FRMD6: variants seen among roughly 807,000 people sequenced by gnomAD.
The protein encoded by FRMD6 is FERM domain-containing protein 6.
FRMD6 carries 37 observed loss-of-function variants against 73.2 expected under a neutral mutation model. The observed-to-expected ratio is 0.51, with a 90% CI of 0.39 to 0.66. FRMD6 has a LOEUF of 0.66. Among genes scored for constraint, FRMD6 ranks in the 30% least tolerant of loss-of-function variants. The pLI, the probability that FRMD6 is intolerant of heterozygous loss-of-function variation, is 0.00. For missense variants in FRMD6, 714 were observed against 780.5 expected, an observed-to-expected ratio of 0.91 and a Z score of 1.02; for synonymous variants, 273 against 282.2, an observed-to-expected ratio of 0.97 and a Z score of 0.33.
chr14:51,705,252 T>C (rs1157371085), intron 6 of FRMD6, among the ~76,000 whole-genome samples: 2 of 152,034 alleles, frequency 1.3e-5, no homozygotes, highest in African/African-American at 4.8e-5. Context: ...TTTCTCCCTT[T>C]GAAGGCAGAA....
chr14:51,628,800 CAAAAAAA>C (rs764713119), intron 2 of FRMD6, among the ~76,000 whole-genome samples: 2 of 52,324 alleles, frequency 3.8e-5, no homozygotes, highest in Non-Finnish European at 6.7e-5. Context: ...GACTCTGTCT[CAAAAAAA>C]AAAAAAAAAA....
intron 1 of FRMD6, among the ~76,000 whole-genome samples, chr14:51,569,510 T>TC (rs1288877786): frequency 2.1e-5 from 1 of 46,852 alleles, no homozygotes; most frequent in Non-Finnish European, 4.6e-5. Context: ...TTTCTTTCTT[T>TC]TTTTTTTTTT....
At chr14:51,562,649 T>C (rs749264293) in intron 1 of FRMD6, among the ~76,000 whole-genome samples, 3 of 152,184 alleles carry the variant, frequency 2.0e-5, no homozygotes, top group Non-Finnish European at 2.9e-5. Context: ...AAACAGGTTA[T>C]CATAATGGGT....
At chr14:51,503,012 T>C (rs1298058913) in intron 1 of FRMD6, among the ~76,000 whole-genome samples, 1 of 152,222 alleles carries the variant, frequency 6.6e-6, no homozygotes, top group Non-Finnish European at 1.5e-5. Flanking sequence ...ATTATTGGTA[T>C]ATAGGAATGC....
At chr14:51,471,969 T>A in the FRMD6 span, among the ~76,000 whole-genome samples, 6 of 152,200 alleles carry the variant, frequency 3.9e-5, no homozygotes, top group Admixed American at 3.3e-4. Flanking sequence ...ACACTGTCCA[T>A]CTCTCCAGAA....
At chr14:51,540,231 C>G (rs1386669689) in intron 1 of FRMD6, among the ~76,000 whole-genome samples, 1 of 152,144 alleles carries the variant, frequency 6.6e-6, no homozygotes, top group Non-Finnish European at 1.5e-5. Flanking sequence ...GTGGGGCTGC[C>G]ACTTGTTGGT....
chr14:51,710,137 AG>A (rs753622593), intron 7 of FRMD6, among the ~76,000 whole-genome samples: 4 of 152,176 alleles, frequency 2.6e-5, no homozygotes, highest in South Asian at 2.1e-4. Context: ...TTAATTTTCA[AG>A]TTTACTTAAA....
At chr14:51,649,465 C>T (rs1892234508), upstream of FRMD6, 1 of 151,854 alleles carries the variant, frequency 6.6e-6, no homozygotes, top group South Asian at 2.1e-4. Context: ...TGTTGTTTAT[C>T]TGTTAGATTT....
chr14:51,516,044 C>G (rs1342514426), intron 1 of FRMD6, among the ~76,000 whole-genome samples: 2 of 152,182 alleles, frequency 1.3e-5, no homozygotes, highest in African/African-American at 2.4e-5. Flanking sequence ...AGTTTGGCTG[C>G]TGTGCATCTT....
chr14:51,556,753 A>G (rs1488963668), intron 1 of FRMD6, among the ~76,000 whole-genome samples: 1 of 152,148 alleles, frequency 6.6e-6, no homozygotes, highest in African/African-American at 2.4e-5. Flanking sequence ...CTTATCCATC[A>G]TTGAAGAGTG....
At chr14:51,709,975 G>A (rs1388036937) in intron 7 of FRMD6, among the ~76,000 whole-genome samples, 1 of 152,050 alleles carries the variant, frequency 6.6e-6, no homozygotes, top group East Asian at 1.9e-4. Context: ...GAAATAATGA[G>A]GTGGAATACC....
intron 1 of FRMD6, among the ~76,000 whole-genome samples, chr14:51,533,809 C>T (rs752513586): frequency 6.6e-5 from 10 of 152,192 alleles, no homozygotes; most frequent in Non-Finnish European, 1.2e-4. Context: ...TTTCAGAGAG[C>T]GTCTCTGGGT....
the FRMD6 span, among the ~76,000 whole-genome samples, chr14:51,396,690 A>G: frequency 6.6e-6 from 1 of 152,218 alleles, no homozygotes; most frequent in Non-Finnish European, 1.5e-5. Context: ...TCCAAGGAGA[A>G]GGCCCAGTTT....
the FRMD6 span, among the ~76,000 whole-genome samples, chr14:51,402,669 C>T: frequency 6.9e-6 from 1 of 145,870 alleles, no homozygotes; most frequent in Non-Finnish European, 1.5e-5. Flanking sequence ...GACGGAGTCT[C>T]ACTCTGTCAC....
rs17124298 is a variant in FRMD6 at position 51,618,122 on chromosome 14, T to C, written c.-147+47712T>C. Among the ~76,000 whole-genome samples the C allele has an allele frequency of 9.9e-3, 1,500 of 152,276 alleles. 74 individuals are homozygous for C. Among genetic ancestry groups the C allele is most frequent in the Admixed American group, 0.081 (1,240 of 15,276 alleles). On this transcript the variant is annotated intron_variant, in intron 2 of 14. Transcript: ENST00000356218. ...GGTTTTGAAAGAGAAGAACCAGGTG[T>C]TATCTGTGAGAATAACAATTACTTT... is the stretch of plus-strand genomic sequence containing the variant.
At chr14:51,523,553 G>A (rs1044096275) in intron 1 of FRMD6, among the ~76,000 whole-genome samples, 6 of 152,190 alleles carry the variant, frequency 3.9e-5, no homozygotes, top group Non-Finnish European at 5.9e-5. Flanking sequence ...CCCAGTGCTC[G>A]TGACATGGTT....
chr14:51,453,506 C>A, the FRMD6 span, among the ~76,000 whole-genome samples: 1 of 152,170 alleles, frequency 6.6e-6, no homozygotes, highest in African/African-American at 2.4e-5. Context: ...GTCCAAGATT[C>A]AGAGTACTTT....
chr14:51,445,603 T>C, the FRMD6 span, among the ~76,000 whole-genome samples: 3 of 152,212 alleles, frequency 2.0e-5, no homozygotes, highest in East Asian at 5.8e-4. Flanking sequence ...TTAGGAGACA[T>C]GCTTAAAGAT....
chr14:51,561,958 C>T (rs1887506801), intron 1 of FRMD6, among the ~76,000 whole-genome samples: 1 of 152,192 alleles, frequency 6.6e-6, no homozygotes, highest in Admixed American at 6.5e-5. Flanking sequence ...AAACCATTTT[C>T]TAAAACTACA....
Sources: allele counts gnomAD v4.1 joint callset (sites outside exome capture counted in the v4.1 genomes callset), GRCh38; gene constraint gnomAD v4.1.1; transcripts MANE v1.5; gene names NCBI Gene and HGNC (gene_info 2026-07-23, HGNC 2026-07-21).